The following APBA2 variants were observed in gnomAD, a reference collection of about 807,000 sequenced individuals.
APBA2 encodes amyloid-beta A4 precursor protein-binding family A member 2.
APBA2 carries 30 observed loss-of-function variants against 75.0 expected under a neutral mutation model. The observed-to-expected ratio is 0.40, with a 90% confidence interval of 0.30 to 0.54. The LOEUF (loss-of-function observed/expected upper bound fraction) is 0.54, where lower values mean the gene tolerates loss of function less well. Ranked by LOEUF, APBA2 falls within the 20% of genes least tolerant of loss-of-function variation. APBA2 has a pLI of 0.49. For synonymous variants in APBA2, 444 were observed against 409.6 expected (o/e 1.08, Z -1.01); for missense variants, 801 against 1,016.1 (o/e 0.79, Z 2.88).
At chr15:28,954,996 G>A (rs916031960) in intron 2 of APBA2, among the ~76,000 whole-genome samples, 2 of 152,122 alleles carry the variant, frequency 1.3e-5, no homozygotes, top group Non-Finnish European at 2.9e-5. Context: ...CAGGGCCAGA[G>A]GCATAGCCGG....
chr15:29,030,974 TTGG>T (rs1293621036), intron 3 of APBA2, among the ~76,000 whole-genome samples: 1 of 152,228 alleles, frequency 6.6e-6, no homozygotes, highest in African/African-American at 2.4e-5. Flanking sequence ...CATGATGCTC[TTGG>T]TGGATTATTT....
intron 6 of APBA2, among the ~76,000 whole-genome samples, chr15:29,090,966 C>T (rs1165071045): frequency 1.3e-5 from 2 of 150,976 alleles, no homozygotes; most frequent in African/African-American, 4.9e-5. Context: ...GATGTGCACA[C>T]TTCACTCTGA....
rs1026897181 is a variant in APBA2, at chr15:29,029,921, A to G, written c.-40-23924A>G. Among the ~76,000 whole-genome samples, 52 of 152,086 alleles carry G rather than the reference A, an allele frequency of 3.4e-4. 1 individual carries two copies. The highest frequency in any genetic ancestry group is 1.5e-5 in the Non-Finnish European group (1 of 68,012). ...CAGAGGTGCCGGACATGCAGAAGGAACGATTGCTCAACGCAGGACTCTCCA... is the reference window on the plus strand; with the variant it reads ...CAGAGGTGCCGGACATGCAGAAGGAGCGATTGCTCAACGCAGGACTCTCCA... On this transcript the variant is annotated intron_variant, in intron 3 of 14. Transcript: ENST00000683413.
intron 4 of APBA2, among the ~76,000 whole-genome samples, chr15:29,059,215 ATG>A (rs146068016): frequency 5.6e-4 from 84 of 149,412 alleles, no homozygotes; most frequent in African/African-American, 9.0e-4. Flanking sequence ...TTTTGTTGAT[ATG>A]TGTGTGTGTG....
intron 6 of APBA2, among the ~76,000 whole-genome samples, chr15:29,087,267 A>ATTTT (rs2043330226): frequency 1.4e-5 from 2 of 142,930 alleles, no homozygotes; most frequent in Non-Finnish European, 2.9e-5. Context: ...TTTTTTTTAA[A>ATTTT]AAAAATTATT....
intron 2 of APBA2, among the ~76,000 whole-genome samples, chr15:28,953,291 C>T (rs893319142): frequency 6.6e-6 from 1 of 152,202 alleles, no homozygotes; most frequent in Admixed American, 6.5e-5. Flanking sequence ...CAGCTTCACG[C>T]TGCCCTCCAG....
At chr15:28,912,241 A>G (rs555444408) in intron 1 of APBA2, among the ~76,000 whole-genome samples, 67 of 152,316 alleles carry the variant, frequency 4.4e-4, no homozygotes, top group African/African-American at 1.6e-3. Context: ...ATTTTGTGAC[A>G]TGTAAGAGTC....
intron 9 of APBA2, among the ~76,000 whole-genome samples, chr15:29,100,587 G>A (rs771305263): frequency 6.6e-6 from 1 of 152,232 alleles, no homozygotes; most frequent in African/African-American, 2.4e-5. Context: ...GCCTGCCAGA[G>A]GCCGAGGGAA....
intron 2 of APBA2, among the ~76,000 whole-genome samples, chr15:28,949,536 T>G (rs2035737374): frequency 6.6e-6 from 1 of 152,180 alleles, no homozygotes. Flanking sequence ...TGGCACGATT[T>G]CAGCTCACTG....
At chr15:29,030,013 T>C (rs527498956) in intron 3 of APBA2, among the ~76,000 whole-genome samples, 2 of 152,054 alleles carry the variant, frequency 1.3e-5, no homozygotes, top group African/African-American at 2.4e-5. Context: ...GAGCTCTGGG[T>C]TCGAGGCCCA....
chr15:29,045,092 TC>T, intron 3 of APBA2, among the ~76,000 whole-genome samples: 1 of 125,464 alleles, frequency 8.0e-6, no homozygotes, highest in Admixed American at 7.2e-5. Context: ...TCTCTCTCTC[TC>T]TCTCTCTCTC....
intron 2 of APBA2, among the ~76,000 whole-genome samples, chr15:28,930,921 G>A (rs565740997): frequency 1.3e-5 from 2 of 152,326 alleles, no homozygotes; most frequent in South Asian, 4.1e-4. Flanking sequence ...GCAGCAGGCA[G>A]CTCCTCCTTG....
At chr15:28,988,098 AGCCCCTCCCCAGTT>A (rs1212609722) in intron 2 of APBA2, among the ~76,000 whole-genome samples, 1 of 152,034 alleles carries the variant, frequency 6.6e-6, no homozygotes, top group African/African-American at 2.4e-5. Flanking sequence ...TTGCAGCTAG[AGCCCCTCCCCAGTT>A]GCATCTTGTC....
In APBA2 at chr15:29,054,157, T is replaced by TGAG. The variant is rs2041754401; in HGVS notation, c.284_286dup (p.Glu95dup). The TGAG allele has an allele frequency of 6.2e-7, 1 of 1,614,096 alleles. No homozygotes were observed. The highest frequency in any genetic ancestry group is 8.5e-7 in the Non-Finnish European group (1 of 1,180,002). On this transcript the variant is annotated inframe_insertion, in exon 4 of 15. Coordinates refer to ENST00000683413, the MANE Select transcript of APBA2 (RefSeq NM_001353788.2). The surrounding 1 kb of genome is among the most constrained non-coding windows in gnomAD (Gnocchi z 6.1). ...AGGAGGACTATGACGAGGGCCTCCC[T>TGAG]GAGGAGGAGGAGGGCATCACCTACT...
In APBA2 at chr15:28,954,620, T is replaced by A. The variant is rs570406977; in HGVS notation, c.-95+32871T>A. Among the ~76,000 whole-genome samples, 4 of 152,142 alleles carry A rather than the reference T, an allele frequency of 2.6e-5. No individual in the cohort carries two copies. The South Asian group carries it at 8.3e-4, about 32-fold the overall frequency. ...ACTCCAGACAGGAAGCCTGTGGGGG[T>A]TGGGGGCTTGGTCTGCCTTCTTCAG... On this transcript the variant is annotated intron_variant, in intron 2 of 14. Transcript: ENST00000683413.
At position 28,974,545 on chromosome 15, in the gene APBA2, C is replaced by G. The variant is rs368311945; in HGVS notation, c.-94-21208C>G. Among the ~76,000 whole-genome samples, 15 of 152,290 alleles carry G rather than the reference C, an allele frequency of 9.8e-5. 1 individual carries two copies. The East Asian group carries it at 2.1e-3, about 22-fold the overall frequency. On this transcript the variant is annotated intron_variant, in intron 2 of 14. Transcript: ENST00000683413. ...GTTGACATATATTAGCTTACAAAGA[C>G]AACCTCAATGAGTTCCGTAACAGAA...
At chr15:28,944,448 A>G (rs1339299867) in intron 2 of APBA2, among the ~76,000 whole-genome samples, 3 of 152,182 alleles carry the variant, frequency 2.0e-5, no homozygotes, top group African/African-American at 7.2e-5. Context: ...TTTCCTCTGC[A>G]CATGGCATCT....
At chr15:29,094,388 TG>T in intron 8 of APBA2, 75 bp downstream of exon 8, 1 of 1,456,106 alleles carries the variant, frequency 6.9e-7, no homozygotes, top group South Asian at 1.1e-5. Context: ...CAGTGGGGGC[TG>T]GGGGGTTCCC....
chr15:29,078,550 G>T lies in APBA2; in HGVS notation c.1069+2459G>T, dbSNP rs769052674. Among the ~76,000 whole-genome samples the T allele has an allele frequency of 1.0e-3, 158 of 151,362 alleles. 2 individuals carry two copies. Among genetic ancestry groups the T allele is most frequent in the Middle Eastern group, 3.4e-3 (1 of 294 alleles). On this transcript the variant is annotated intron_variant, in intron 6 of 14. Transcript: ENST00000683413. Reference sequence around the variant, plus strand: ...CACTTGAACCCGGGAGGCGGAGCTTGCAGTGAGTCAAGATCATGCCACTGT... The same window carrying T: ...CACTTGAACCCGGGAGGCGGAGCTTTCAGTGAGTCAAGATCATGCCACTGT...
Sources: allele counts gnomAD v4.1 joint callset (sites outside exome capture counted in the v4.1 genomes callset), GRCh38; gene constraint gnomAD v4.1.1; non-coding constraint Gnocchi (gnomAD v3.1); transcripts MANE v1.5; gene names NCBI Gene and HGNC (gene_info 2026-07-23, HGNC 2026-07-21).